The following ASPH variants were observed in gnomAD, a reference collection of about 807,000 sequenced individuals.
The protein encoded by ASPH is aspartate beta-hydroxylase.
ASPH carries 100 observed loss-of-function variants against 118.4 expected under a neutral mutation model. The observed-to-expected ratio is 0.84, with a 90% confidence interval of 0.72 to 1.00. ASPH has a LOEUF of 1.00. ASPH is among the 50% of genes least tolerant of loss of function. The pLI is 0.00. For missense variants in ASPH, 920 were observed against 919.5 expected (o/e 1.00, Z -0.01); for synonymous variants, 315 against 325.6 (o/e 0.97, Z 0.35).
At chr8:61,693,910 G>A (rs1833305192) in intron 1 of ASPH, among the ~76,000 whole-genome samples, 2 of 152,096 alleles carry the variant, frequency 1.3e-5, no homozygotes, top group South Asian at 4.2e-4. Flanking sequence ...GCCTCCCTGG[G>A]TGAACACAAG....
intron 14 of ASPH, among the ~76,000 whole-genome samples, chr8:61,608,270 A>G (rs934687368): frequency 7.2e-5 from 11 of 152,208 alleles, no homozygotes; most frequent in South Asian, 2.1e-4. Flanking sequence ...ACGGTTTGCT[A>G]AAGGAATGGA....
chr8:61,618,224 T>A (rs1416986479), intron 14 of ASPH, among the ~76,000 whole-genome samples: 1 of 152,160 alleles, frequency 6.6e-6, no homozygotes, highest in Non-Finnish European at 1.5e-5. Flanking sequence ...TAAGATCTTA[T>A]GCACGTTATG....
chr8:61,714,546 G>A lies in ASPH; in HGVS notation c.-175C>T, dbSNP rs1838929479. The stretch of plus-strand genomic sequence containing the variant: ...TGCAGCACCTGGGAAGACTTCACCC[G>A]CCTGCCGGCTGCGCGCGCCCGGCCT... On this transcript the variant is annotated 5_prime_UTR_variant, in exon 1 of 25. Coordinates refer to ENST00000379454, the MANE Select transcript of ASPH (RefSeq NM_004318.4). 1.0e-6 allele frequency: 1 copy of A among 1,001,748 alleles called. No individual in the cohort carries two copies. Among genetic ancestry groups the A allele is most frequent in the Non-Finnish European group, 1.3e-6 (1 of 767,572 alleles). 62.1% of individuals were successfully genotyped at this position (1,001,748 alleles called of 1,614,324 possible).
At chr8:61,672,919 G>C (rs1823335650) in intron 3 of ASPH, among the ~76,000 whole-genome samples, 1 of 152,154 alleles carries the variant, frequency 6.6e-6, no homozygotes, top group African/African-American at 2.4e-5. Context: ...TAGCCCAGCG[G>C]ATTATTTAGA....
intron 13 of ASPH, chr8:61,624,451 C>T (rs1264161601): frequency 1.0e-6 from 1 of 979,762 alleles, no homozygotes; most frequent in Non-Finnish European, 1.2e-6. Context: ...CTATAATCTT[C>T]TAAAATACTA....
At chr8:61,572,859 C>T (rs1164255296) in intron 16 of ASPH, among the ~76,000 whole-genome samples, 1 of 152,140 alleles carries the variant, frequency 6.6e-6, no homozygotes, top group East Asian at 1.9e-4. Flanking sequence ...AAGTTCTGGC[C>T]AGGGTAATCA....
chr8:61,668,001 A>G (rs1178429173), intron 3 of ASPH, among the ~76,000 whole-genome samples: 1 of 152,204 alleles, frequency 6.6e-6, no homozygotes, highest in East Asian at 1.9e-4. Flanking sequence ...TTTAAAGACT[A>G]TTACAAAGCT....
chr8:61,568,596 G>A (rs1249460817), intron 16 of ASPH, among the ~76,000 whole-genome samples: 1 of 152,174 alleles, frequency 6.6e-6, no homozygotes, highest in African/African-American at 2.4e-5. Context: ...CTGAAGTTCA[G>A]GAGGGAGGTC....
intron 13 of ASPH, among the ~76,000 whole-genome samples, chr8:61,622,735 G>A (rs1401924859): frequency 6.6e-6 from 1 of 152,294 alleles, no homozygotes; most frequent in Middle Eastern, 3.4e-3. Context: ...GGATACTGGT[G>A]TGTCACCTCG....
intron 3 of ASPH, chr8:61,663,333 G>C: frequency 1.0e-6 from 1 of 985,376 alleles, no homozygotes; most frequent in Non-Finnish European, 1.2e-6. Flanking sequence ...AATGGTCCCA[G>C]ATGTTCACCA....
rs974155308 is a variant in ASPH, at chr8:61,544,732, G to T, written c.1764+3339C>A. Among the ~76,000 whole-genome samples the T allele has an allele frequency of 7.2e-5, 11 of 152,190 alleles. No individual in the cohort carries two copies. The South Asian group carries it at 2.3e-3, about 31-fold the overall frequency. ...GAAAGTTTATAGAAGGTCATACAAT[G>T]AACCTAATTTTTGAGAACCCATCAT... On this transcript the variant is annotated intron_variant, in intron 21 of 24. Transcript: ENST00000379454.
At chr8:61,536,832 G>A (rs1435673647) in intron 21 of ASPH, among the ~76,000 whole-genome samples, 2 of 151,844 alleles carry the variant, frequency 1.3e-5, no homozygotes, top group Non-Finnish European at 2.9e-5. Flanking sequence ...GGTTTCCTGG[G>A]CAGGTTACTG....
At chr8:61,705,959 A>G (rs1836507610) in intron 1 of ASPH, among the ~76,000 whole-genome samples, 1 of 152,254 alleles carries the variant, frequency 6.6e-6, no homozygotes, top group Admixed American at 6.5e-5. Flanking sequence ...TGGTGGAGTC[A>G]TTACAGAACT....
chr8:61,508,895 T>C (rs1267564578), intron 24 of ASPH, among the ~76,000 whole-genome samples: 1 of 152,190 alleles, frequency 6.6e-6, no homozygotes, highest in Non-Finnish European at 1.5e-5. Flanking sequence ...ATAAGAATAT[T>C]TGACACAGCT....
At position 61,646,888 on chromosome 8, in the gene ASPH, TGAACAAA is replaced by T. The variant is rs757330671; in HGVS notation, c.491-17_491-11del. 1.2e-6 allele frequency: 2 copies of T among 1,613,630 alleles called. No homozygotes were observed. Among genetic ancestry groups the T allele is most frequent in the South Asian group, 2.2e-5 (2 of 91,016 alleles). On this transcript the variant is annotated splice_polypyrimidine_tract_variant and intron_variant, in intron 5 of 24. Coordinates refer to ENST00000379454, the MANE Select transcript of ASPH (RefSeq NM_004318.4). Reference sequence around the variant, plus strand: ...AAGTCTTCTCCCTCAACTATGACAATGAACAAAGTGACACTGGCAACATACAACTGAG... The same window carrying T: ...AAGTCTTCTCCCTCAACTATGACAATGTGACACTGGCAACATACAACTGAG...
At chr8:61,523,442 A>C (rs1361887958) in intron 22 of ASPH, among the ~76,000 whole-genome samples, 1 of 150,576 alleles carries the variant, frequency 6.6e-6, no homozygotes, top group Non-Finnish European at 1.5e-5. Flanking sequence ...CAGCCTCCCG[A>C]GTAGCTGGAA....
At chr8:61,628,322 GCTTTTTT>G in intron 13 of ASPH, 4 of 302,126 alleles carry the variant, frequency 1.3e-5, no homozygotes, top group Admixed American at 5.0e-5. Flanking sequence ...ACCAAGCCCG[GCTTTTTT>G]TTTTTTTTTT....
At chr8:61,600,652 A>C (rs1843718666) in intron 14 of ASPH, among the ~76,000 whole-genome samples, 1 of 151,466 alleles carries the variant, frequency 6.6e-6, no homozygotes, top group Non-Finnish European at 1.5e-5. Context: ...ACCTAAGAAT[A>C]AATTTAGCCA....
chr8:61,593,017 C>G (rs551098470), intron 14 of ASPH, among the ~76,000 whole-genome samples: 2 of 152,126 alleles, frequency 1.3e-5, no homozygotes, highest in Non-Finnish European at 2.9e-5. Context: ...TTCCTACAGG[C>G]GGGGGATGTG....
Sources: gnomAD v4.1 joint callset for allele counts (sites outside exome capture counted in the v4.1 genomes callset) on GRCh38, gnomAD v4.1.1 for gene constraint, MANE v1.5 for transcripts, NCBI Gene and HGNC (gene_info 2026-07-23, HGNC 2026-07-21) for gene names.